Variants in MAP2K1 observed in about 807,000 individuals in gnomAD.
MAP2K1 encodes the protein dual specificity mitogen-activated protein kinase kinase 1.
A neutral mutation model predicts 46.3 loss-of-function variants in MAP2K1; 16 were observed. The ratio of observed to expected loss-of-function variants is 0.35; its 90% confidence interval spans 0.23 to 0.52. MAP2K1 has a LOEUF of 0.52. Ranked by LOEUF, MAP2K1 falls within the 20% of genes least tolerant of loss-of-function variation. The pLI, the probability that MAP2K1 is intolerant of heterozygous loss-of-function variation, is 0.94. For missense variants in MAP2K1, 263 were observed against 497.1 expected, an observed-to-expected ratio of 0.53 and a Z score of 4.48; for synonymous variants, 183 against 185.6, an observed-to-expected ratio of 0.99 and a Z score of 0.11.
At chr15:66,389,579 T>G (rs2093352012) in intron 1 of MAP2K1, among the ~76,000 whole-genome samples, 1 of 143,534 alleles carries the variant, frequency 7.0e-6, no homozygotes, top group Non-Finnish European at 1.5e-5. Flanking sequence ...GTGGTTTTTT[T>G]TTTTTTTTTT....
chr15:66,443,876 A>G (rs1362849580), intron 4 of MAP2K1, among the ~76,000 whole-genome samples: 1 of 152,134 alleles, frequency 6.6e-6, no homozygotes, highest in Non-Finnish European at 1.5e-5. Context: ...TCAAAACAAA[A>G]CAACTCTTTA....
intron 5 of MAP2K1, among the ~76,000 whole-genome samples, chr15:66,478,246 A>G (rs1294557063): frequency 6.8e-6 from 1 of 146,552 alleles, no homozygotes; most frequent in Non-Finnish European, 1.5e-5. Flanking sequence ...TATTATATAT[A>G]TATATAAAAA....
chr15:66,489,839 C>G, intron 10 of MAP2K1, 76 bp downstream of exon 10: 1 of 1,239,154 alleles, frequency 8.1e-7, no homozygotes, highest in Non-Finnish European at 1.2e-6. Flanking sequence ...CTGTGCAGTA[C>G]TTCCAGAGCC....
chr15:66,473,250 A>G (rs1047707088), intron 5 of MAP2K1, among the ~76,000 whole-genome samples: 4 of 152,170 alleles, frequency 2.6e-5, no homozygotes, highest in East Asian at 3.8e-4. Context: ...AACTAGGACT[A>G]TTCTGCCAAA....
intron 5 of MAP2K1, among the ~76,000 whole-genome samples, chr15:66,463,694 G>A (rs1255716339): frequency 6.6e-6 from 1 of 152,260 alleles, no homozygotes; most frequent in Non-Finnish European, 1.5e-5. Flanking sequence ...ATGTTAGCCA[G>A]GCTGGCTTCA....
chr15:66,393,242 A>T (rs571625168), intron 1 of MAP2K1, among the ~76,000 whole-genome samples: 1 of 151,272 alleles, frequency 6.6e-6, no homozygotes, highest in Non-Finnish European at 1.5e-5. Context: ...CAGTGTTGCA[A>T]TCCTGGCTCA....
intron 5 of MAP2K1, among the ~76,000 whole-genome samples, chr15:66,478,375 AATAT>A (rs1452323531): frequency 9.9e-5 from 12 of 121,586 alleles, no homozygotes; most frequent in Admixed American, 9.1e-4. Context: ...ATATATGTTA[AATAT>A]ATATACACAG....
chr15:66,428,271 C>CGTGTGTGTGTGTGTGT (rs67373670), intron 1 of MAP2K1, among the ~76,000 whole-genome samples: 9 of 122,280 alleles, frequency 7.4e-5, no homozygotes, highest in Non-Finnish European at 1.5e-4. Flanking sequence ...AGCAGTTGTG[C>CGTGTGTGTGTGTGTGT]GTGTGTGTGT....
intron 3 of MAP2K1, among the ~76,000 whole-genome samples, chr15:66,439,869 A>T (rs1383348696): frequency 3.4e-5 from 5 of 148,334 alleles, no homozygotes; most frequent in African/African-American, 1.2e-4. Context: ...CAGGAGGCAG[A>T]GGTTGCAGTG....
chr15:66,444,974 G>A, intron 5 of MAP2K1: 1 of 490,826 alleles, frequency 2.0e-6, no homozygotes, highest in East Asian at 3.7e-5. Flanking sequence ...CCAGCACTTA[G>A]TTACCCAGTC....
chr15:66,387,469 G>A (rs1430385079), intron 1 of MAP2K1, 42 bp downstream of exon 1: 5 of 1,541,356 alleles, frequency 3.2e-6, no homozygotes, highest in Non-Finnish European at 1.8e-6. Flanking sequence ...CCCGGCTGGG[G>A]AGGCCCGAGC....
chr15:66,477,099 C>T, intron 5 of MAP2K1, among the ~76,000 whole-genome samples: 1 of 152,242 alleles, frequency 6.6e-6, no homozygotes, highest in East Asian at 1.9e-4. Flanking sequence ...CAGAATTTCC[C>T]TTCTCCTCCT....
chr15:66,411,464 G>A (rs992322265), intron 1 of MAP2K1, among the ~76,000 whole-genome samples: 1 of 152,174 alleles, frequency 6.6e-6, no homozygotes, highest in African/African-American at 2.4e-5. Context: ...GAGAAGTGAA[G>A]AGGAAGAGCT....
intron 1 of MAP2K1, among the ~76,000 whole-genome samples, chr15:66,414,628 A>G (rs1015112065): frequency 1.3e-5 from 2 of 152,164 alleles, no homozygotes; most frequent in African/African-American, 4.8e-5. Context: ...GCCCCATTAC[A>G]TAGGCATGAT....
intron 1 of MAP2K1, among the ~76,000 whole-genome samples, chr15:66,394,191 A>C (rs901922665): frequency 1.1e-4 from 16 of 152,206 alleles, no homozygotes; most frequent in African/African-American, 3.6e-4. Context: ...TAAGGTGCCG[A>C]ATAACCTTAG....
chr15:66,419,112 G>A (rs562538360), intron 1 of MAP2K1, among the ~76,000 whole-genome samples: 20 of 151,188 alleles, frequency 1.3e-4, no homozygotes, highest in East Asian at 3.9e-4. Context: ...GATTACAGGC[G>A]TGCACCACCA....
At chr15:66,419,282 G>T (rs2093431924) in intron 1 of MAP2K1, among the ~76,000 whole-genome samples, 1 of 151,994 alleles carries the variant, frequency 6.6e-6, no homozygotes, top group Admixed American at 6.6e-5. Flanking sequence ...CACTTTGGGA[G>T]GCCGAGGCGG....
At chr15:66,440,913 C>G (rs569120055) in intron 3 of MAP2K1, among the ~76,000 whole-genome samples, 1 of 152,220 alleles carries the variant, frequency 6.6e-6, no homozygotes, top group African/African-American at 2.4e-5. Flanking sequence ...CTGCTTGAAG[C>G]TCTGTGGAGG....
chr15:66,487,411 G>A, intron 8 of MAP2K1, 119 bp downstream of exon 8: 2 of 935,474 alleles, frequency 2.1e-6, no homozygotes, highest in Non-Finnish European at 3.5e-6. Flanking sequence ...GGCTGAGGCG[G>A]GTGGATCACA....
Sources: allele counts gnomAD v4.1 joint callset (sites outside exome capture counted in the v4.1 genomes callset), GRCh38; gene constraint gnomAD v4.1.1; transcripts MANE v1.5; gene names NCBI Gene and HGNC (gene_info 2026-07-23, HGNC 2026-07-21).